RAP1GDS1: variants seen among roughly 807,000 people sequenced by gnomAD.
The protein encoded by RAP1GDS1 is Rap1 GTPase-GDP dissociation stimulator 1.
A neutral mutation model predicts 71.1 loss-of-function variants in RAP1GDS1; 35 were observed. The observed-to-expected ratio is 0.49, with a 90% CI of 0.38 to 0.65. RAP1GDS1 has a LOEUF of 0.65. Among genes scored for constraint, RAP1GDS1 ranks in the 30% least tolerant of loss-of-function variants. The pLI, the probability that RAP1GDS1 is intolerant of heterozygous loss-of-function variation, is 0.00. For missense variants in RAP1GDS1, 663 were observed against 706.1 expected, an observed-to-expected ratio of 0.94 and a Z score of 0.69; for synonymous variants, 229 against 243.1, an observed-to-expected ratio of 0.94 and a Z score of 0.54.
Position 98,292,714 on chromosome 4 carries a change from A to C in RAP1GDS1, c.5-694A>C, listed in dbSNP as rs939508505. 3.9e-5 allele frequency among the ~76,000 whole-genome samples: 6 copies of C among 152,240 alleles called. No homozygotes were observed. The South Asian group carries it at 1.2e-3, about 32-fold the overall frequency. On this transcript the variant is annotated intron_variant, in intron 1 of 14. Transcript: ENST00000408927. ...TTACTAAATAATTTTAAAAAGTCTC[A>C]GTTTTGATTTTGTAGTATGTTAAAT...
At chr4:98,367,181 A>G (rs569888159) in intron 4 of RAP1GDS1, among the ~76,000 whole-genome samples, 20 of 152,264 alleles carry the variant, frequency 1.3e-4, no homozygotes, top group South Asian at 6.2e-4. Context: ...CACTCCAGCT[A>G]TGGTGAGCAG....
chr4:98,390,881 A>G (rs922132324), intron 5 of RAP1GDS1, among the ~76,000 whole-genome samples: 1 of 149,804 alleles, frequency 6.7e-6, no homozygotes, highest in Admixed American at 6.6e-5. Context: ...TGAAAATGGC[A>G]TATCATTTTA....
chr4:98,399,877 A>C (rs1273414797), intron 6 of RAP1GDS1, among the ~76,000 whole-genome samples: 1 of 152,150 alleles, frequency 6.6e-6, no homozygotes, highest in African/African-American at 2.4e-5. Flanking sequence ...TAAATAGGCC[A>C]GATGTGGTGG....
chr4:98,285,071 G>C (rs1054098163), intron 1 of RAP1GDS1, among the ~76,000 whole-genome samples: 6 of 152,018 alleles, frequency 3.9e-5, no homozygotes, highest in African/African-American at 1.4e-4. Context: ...GTAATAAAAT[G>C]GCTTTTGTTT....
intron 2 of RAP1GDS1, among the ~76,000 whole-genome samples, chr4:98,303,956 T>C (rs2110302181): frequency 1.3e-5 from 2 of 152,318 alleles, no homozygotes; most frequent in East Asian, 3.9e-4. Context: ...ATGCAGTGTT[T>C]GGGCTGCTGT....
intron 10 of RAP1GDS1, among the ~76,000 whole-genome samples, chr4:98,419,328 A>T (rs1434872955): frequency 2.6e-5 from 4 of 152,098 alleles, no homozygotes; most frequent in African/African-American, 9.7e-5. Context: ...TGCTGGGATT[A>T]CAGGTGAGAG....
At chr4:98,358,727 A>G (rs1288083877) in intron 4 of RAP1GDS1, among the ~76,000 whole-genome samples, 6 of 152,048 alleles carry the variant, frequency 3.9e-5, no homozygotes. Flanking sequence ...TTAGAACCAT[A>G]CATGCCCATA....
At chr4:98,328,521 A>G (rs1733477927) in intron 2 of RAP1GDS1, among the ~76,000 whole-genome samples, 1 of 152,192 alleles carries the variant, frequency 6.6e-6, no homozygotes, top group African/African-American at 2.4e-5. Context: ...CTTCAGATCC[A>G]TCTAGTTTCA....
At chr4:98,426,666 A>C (rs181385672) in intron 12 of RAP1GDS1, among the ~76,000 whole-genome samples, 77 of 152,246 alleles carry the variant, frequency 5.1e-4, no homozygotes, top group Admixed American at 1.5e-3. Flanking sequence ...TTAAATCAGG[A>C]AGAATTATTT....
rs1017417418 is a variant in RAP1GDS1, at chr4:98,352,398, A to T, written c.236-78A>T. ...TAAATACCACATATTAAAAGTAGGT[A>T]TTTATTTTATTAGGGGAGATGATTT... On this transcript the variant is annotated intron_variant, in intron 3 of 14. Transcript: ENST00000408927. 3.4e-6 allele frequency: 5 copies of T among 1,450,344 alleles called. No individual in the cohort carries two copies. The South Asian group carries it at 3.7e-5, about 11-fold the overall frequency. The allele number at this position is 1,450,344 out of a possible 1,614,324, so 89.8% of individuals were successfully genotyped here. A position where few individuals can be genotyped will look rare whatever the true frequency, so the allele number is the denominator to read the frequency against.
At chr4:98,294,428 GC>G (rs1727423540) in intron 2 of RAP1GDS1, among the ~76,000 whole-genome samples, 1 of 151,890 alleles carries the variant, frequency 6.6e-6, no homozygotes, top group African/African-American at 2.4e-5. Context: ...CATCAAAAAA[GC>G]ACATTTTAGA....
At position 98,293,857 on chromosome 4, in the gene RAP1GDS1, T is replaced by C. The variant is rs147176241; in HGVS notation, c.112+342T>C. 8.0e-4 allele frequency among the ~76,000 whole-genome samples: 121 copies of C among 152,186 alleles called. 3 individuals are homozygous for C. Among genetic ancestry groups the C allele is most frequent in the Middle Eastern group, 3.4e-3 (1 of 294 alleles). On this transcript the variant is annotated intron_variant, in intron 2 of 14. Coordinates refer to ENST00000408927, the MANE Select transcript of RAP1GDS1 (RefSeq NM_001100427.2). The stretch of plus-strand genomic sequence containing the variant: ...CTACATCTGTGCTTTAAAAATAGAT[T>C]GTTTTATATGTGGGGAGAGTGGGGA...
rs375346517 is a variant in RAP1GDS1 at position 98,420,015 on chromosome 4, C to T, written c.1175-4C>T. 53 of 1,585,086 alleles carry T rather than the reference C, an allele frequency of 3.3e-5. No homozygotes were observed. In the African/African-American group the frequency reaches 6.9e-4, roughly 21 times the overall value. Reference sequence around the variant, plus strand: ...TTTTAACCATAGTCTCTCTTTTTCTCCAGTTATAAATAAAGCAAAGATGTT... The same window carrying T: ...TTTTAACCATAGTCTCTCTTTTTCTTCAGTTATAAATAAAGCAAAGATGTT... On this transcript the variant is annotated splice_polypyrimidine_tract_variant and splice_region_variant and intron_variant, in intron 10 of 14. Transcript: ENST00000408927.
intron 4 of RAP1GDS1, among the ~76,000 whole-genome samples, chr4:98,371,740 G>A (rs529601251): frequency 6.6e-6 from 1 of 152,250 alleles, no homozygotes; most frequent in African/African-American, 2.4e-5. Context: ...TTACAGGTAC[G>A]AGCCTCCGCC....
At chr4:98,437,547 A>G (rs983459371) in intron 14 of RAP1GDS1, among the ~76,000 whole-genome samples, 3 of 152,078 alleles carry the variant, frequency 2.0e-5, no homozygotes, top group Non-Finnish European at 4.4e-5. Context: ...TACTCCCAGC[A>G]CTTTGGGAGG....
intron 14 of RAP1GDS1, chr4:98,441,635 C>T: frequency 1.0e-6 from 1 of 981,020 alleles, no homozygotes; most frequent in Non-Finnish European, 1.2e-6. Flanking sequence ...TGTGCAGTGG[C>T]TCATGACTGT....
At position 98,314,841 on chromosome 4, in the gene RAP1GDS1, C is replaced by T. The variant is rs55950397; in HGVS notation, c.112+21326C>T. Among the ~76,000 whole-genome samples the T allele has an allele frequency of 5.1e-3, 773 of 152,184 alleles. 7 individuals carry two copies. The highest frequency in any genetic ancestry group is 0.021 in the South Asian group (99 of 4,810). Reference sequence around the variant, plus strand: ...GTCACAGAGGGGATGACATTTTATCCGGGTCCTGATGGGTAAATAGACATT... The same window carrying T: ...GTCACAGAGGGGATGACATTTTATCTGGGTCCTGATGGGTAAATAGACATT... On this transcript the variant is annotated intron_variant, in intron 2 of 14. Coordinates refer to ENST00000408927, the MANE Select transcript of RAP1GDS1 (RefSeq NM_001100427.2).
intron 2 of RAP1GDS1, among the ~76,000 whole-genome samples, chr4:98,306,764 G>T (rs1729384585): frequency 6.6e-6 from 1 of 152,110 alleles, no homozygotes; most frequent in Admixed American, 6.6e-5. Context: ...TGAAATTAAA[G>T]GCAAGGGTAG....
At chr4:98,352,924 A>G (rs1737426598) in intron 4 of RAP1GDS1, among the ~76,000 whole-genome samples, 1 of 152,206 alleles carries the variant, frequency 6.6e-6, no homozygotes, top group Non-Finnish European at 1.5e-5. Context: ...TTGAAATATT[A>G]TCTCTGAATG....
Sources: gnomAD v4.1 joint callset for allele counts (sites outside exome capture counted in the v4.1 genomes callset) on GRCh38, gnomAD v4.1.1 for gene constraint, MANE v1.5 for transcripts, NCBI Gene and HGNC (gene_info 2026-07-23, HGNC 2026-07-21) for gene names.